Variants in ITGB4 observed in about 807,000 individuals in gnomAD.
ITGB4 encodes integrin beta-4.
In ITGB4, 159 loss-of-function variants were observed where a neutral mutation model predicts 207.6. The observed-to-expected ratio is 0.77, with a 90% CI of 0.67 to 0.87. The LOEUF is 0.87. ITGB4 is among the 40% of genes least tolerant of loss of function. The pLI is 0.00. For missense variants in ITGB4, 2,278 were observed against 2,546.8 expected, an observed-to-expected ratio of 0.89 and a Z score of 2.27; for synonymous variants, 1,020 against 1,062.7, an observed-to-expected ratio of 0.96 and a Z score of 0.78.
At chr17:75,744,735 G>C (rs533071664) in intron 26 of ITGB4, among the ~76,000 whole-genome samples, 2 of 152,304 alleles carry the variant, frequency 1.3e-5, no homozygotes, top group South Asian at 4.1e-4. Flanking sequence ...TGGCACACAG[G>C]CTGGACTGGG....
At chr17:75,724,611 C>A in intron 1 of ITGB4, 83 bp from the exon 2 acceptor site, 1 of 1,068,598 alleles carries the variant, frequency 9.4e-7, no homozygotes, top group Middle Eastern at 2.0e-4. Flanking sequence ...AGCCTCAGTT[C>A]CCACAGCTGT....
Position 75,732,100 on chromosome 17 carries a change from A to G in ITGB4, c.1378-63A>G. On this transcript the variant is annotated intron_variant, in intron 11 of 39. Transcript: ENST00000200181. This position sits in a 1 kb window ranked among gnomAD's most constrained non-coding sequence, Gnocchi z 5.3. Reference sequence around the variant, plus strand: ...TTTCCCGAGGCACACAGGAGAGCGGAAGTGTCCAGTGGCCCCGGTCCTGCT... The same window carrying G: ...TTTCCCGAGGCACACAGGAGAGCGGGAGTGTCCAGTGGCCCCGGTCCTGCT... 1.2e-6 allele frequency: 2 copies of G among 1,606,702 alleles called. No individual in the cohort carries two copies. Among genetic ancestry groups the G allele is most frequent in the Non-Finnish European group, 1.7e-6 (2 of 1,173,666 alleles).
At position 75,739,814 on chromosome 17, in the gene ITGB4, C is replaced by T; in HGVS notation, c.2255-66C>T. On this transcript the variant is annotated intron_variant, in intron 19 of 39. Coordinates refer to ENST00000200181, the MANE Select transcript of ITGB4 (RefSeq NM_000213.5). The surrounding 1 kb of genome is among the most constrained non-coding windows in gnomAD (Gnocchi z 5.4). ...GGCAGAGGCTGGAGGCTCTGGGGTC[C>T]CACCTGAAGAGGTTGGGCTGTGCGG... 1.2e-6 allele frequency: 2 copies of T among 1,609,258 alleles called. No homozygotes were observed. Among genetic ancestry groups the T allele is most frequent in the African/African-American group, 1.3e-5 (1 of 74,906 alleles).
Position 75,750,242 on chromosome 17 carries a change from C to G in ITGB4, c.3448C>G (p.Pro1150Ala), listed in dbSNP as rs778149911. The change falls in exon 28 of 40, where the codon CCT (proline) becomes GCT (alanine). Residue 1150 changes from proline to alanine, a missense_variant. Pro to Ala is a conservative substitution (Grantham distance 27). Coordinates refer to ENST00000200181, the MANE Select transcript of ITGB4 (RefSeq NM_000213.5). This position sits in a 1 kb window ranked among gnomAD's most constrained non-coding sequence, Gnocchi z 5.5. ...GAAGATCCATTTCAACTGGCTGCCC[C>G]CTTCTGGCAAGCCAATGGGGTACAG... ...SRKIHFNWLPPSGKPMGYRVK... is the reference protein window; with the variant it reads ...SRKIHFNWLPASGKPMGYRVK... The G allele has an allele frequency of 3.1e-6, 5 of 1,613,404 alleles. No homozygotes were observed. Among genetic ancestry groups the G allele is most frequent in the Non-Finnish European group, 4.2e-6 (5 of 1,179,856 alleles).
chr17:75,724,318 T>C (rs1261952717), intron 1 of ITGB4, among the ~76,000 whole-genome samples: 2 of 152,120 alleles, frequency 1.3e-5, no homozygotes, highest in Non-Finnish European at 2.9e-5. Flanking sequence ...GGCACCCTCA[T>C]TGGATGACCC....
In ITGB4 at chr17:75,740,174, G is replaced by T; in HGVS notation, c.2446+103G>T. On this transcript the variant is annotated intron_variant, in intron 20 of 39. Transcript: ENST00000200181. The surrounding 1 kb of genome is among the most constrained non-coding windows in gnomAD (Gnocchi z 5.9). ...CCTCTTCTCTGGGTGTGGGGTGCAG[G>T]CACAGGGCTCAGCCACCTTTTGCCC... The T allele has an allele frequency of 7.4e-7, 1 of 1,348,740 alleles. No individual in the cohort carries two copies. Among genetic ancestry groups the T allele is most frequent in the Non-Finnish European group, 1.0e-6 (1 of 982,986 alleles). The allele number at this position is 1,348,740 out of a possible 1,614,324, so 83.5% of individuals were successfully genotyped here.
rs117000226 is a variant in ITGB4 at position 75,746,656 on chromosome 17, G to C, written c.3112-2185G>C. On this transcript the variant is annotated intron_variant, in intron 26 of 39. Coordinates refer to ENST00000200181, the MANE Select transcript of ITGB4 (RefSeq NM_000213.5). The stretch of plus-strand genomic sequence containing the variant: ...TGTTACACTTGTATAAAGATGCTTT[G>C]AGGCTGGGTACAGTGGCTCATGCCT... Among the ~76,000 whole-genome samples, 661 of 149,748 alleles carry C rather than the reference G, an allele frequency of 4.4e-3. 2 individuals are homozygous for C. The highest frequency in any genetic ancestry group is 7.1e-3 in the Non-Finnish European group (479 of 67,370).
At position 75,741,129 on chromosome 17, in the gene ITGB4, G is replaced by A. The variant is rs561007797; in HGVS notation, c.2633+124G>A. The A allele has an allele frequency of 2.8e-4, 309 of 1,089,984 alleles. No homozygotes were observed. In the African/African-American group the frequency reaches 2.9e-3, roughly 10 times the overall value. 67.5% of individuals were successfully genotyped at this position (1,089,984 alleles called of 1,614,324 possible). A position where few individuals can be genotyped will look rare whatever the true frequency, so the allele number is the denominator to read the frequency against. ...TAGGAAGGGAGGGTCAGATGTGTCC[G>A]TCAGGTTCGGACCTTCATTCGTTCC... On this transcript the variant is annotated intron_variant, in intron 23 of 39. Coordinates refer to ENST00000200181, the MANE Select transcript of ITGB4 (RefSeq NM_000213.5).
In ITGB4 at chr17:75,748,916, G is replaced by C; in HGVS notation, c.3187G>C (p.Glu1063Gln). Residue 1063 changes from glutamate (E) to glutamine (Q), a missense_variant, in exon 27 of 40, where the codon GAG becomes CAG. Coordinates refer to ENST00000200181, the MANE Select transcript of ITGB4 (RefSeq NM_000213.5). ...GAAAGAGCTGCAGGTGAAGCTCCTG[G>C]AGCTGCAAGAAGTTGACTCCCTCCT... is the stretch of plus-strand genomic sequence containing the variant. ...AWKELQVKLL[E>Q]LQEVDSLLRG... 2 of 1,613,278 alleles carry C rather than the reference G, an allele frequency of 1.2e-6. No individual in the cohort carries two copies. Among genetic ancestry groups the C allele is most frequent in the Non-Finnish European group, 1.7e-6 (2 of 1,179,904 alleles).
In ITGB4 at chr17:75,736,659, A is replaced by G; in HGVS notation, c.1955A>G (p.Asn652Ser). ...AAGGGGCGCACGTGTGAGGAATGCA[A>G]CTTCAAGGTCAAGATGGTGGACGAG... ...EKKGRTCEEC[N>S]FKVKMVDELK... Residue 652 changes from asparagine to serine, a missense_variant, in exon 16 of 40, where the codon AAC becomes AGC. Physicochemically the swap from Asn to Ser is conservative, Grantham distance 46 (BLOSUM62 1). Transcript: ENST00000200181. The G allele has an allele frequency of 6.3e-7, 1 of 1,598,988 alleles. No homozygotes were observed. Among genetic ancestry groups the G allele is most frequent in the South Asian group, 1.1e-5 (1 of 88,030 alleles).
Position 75,740,623 on chromosome 17 carries a change from A to G in ITGB4, c.2550+162A>G. On this transcript the variant is annotated intron_variant, in intron 21 of 39. Coordinates refer to ENST00000200181, the MANE Select transcript of ITGB4 (RefSeq NM_000213.5). The surrounding 1 kb of genome is among the most constrained non-coding windows in gnomAD (Gnocchi z 5.9). Reference sequence around the variant, plus strand: ...AGGGGGCATCCTGGGATCTGTTTCCAGAGGGCAGAAGGCCAGAGCCTGGGC... The same window carrying G: ...AGGGGGCATCCTGGGATCTGTTTCCGGAGGGCAGAAGGCCAGAGCCTGGGC... 1 of 957,796 alleles carries G rather than the reference A, an allele frequency of 1.0e-6. No individual in the cohort carries two copies. 59.3% of individuals were successfully genotyped at this position (957,796 alleles called of 1,614,324 possible).
chr17:75,727,398 G>C lies in ITGB4; in HGVS notation c.163-6G>C, dbSNP rs1292796296. ...GCCCCCAGTGACCCCCTGTCCTTCT[G>C]GCCAGATGTTCAGGGACCGGCGCTG... On this transcript the variant is annotated splice_polypyrimidine_tract_variant and splice_region_variant and intron_variant, in intron 3 of 39. Coordinates refer to ENST00000200181, the MANE Select transcript of ITGB4 (RefSeq NM_000213.5). This position sits in a 1 kb window ranked among gnomAD's most constrained non-coding sequence, Gnocchi z 6.0. 1.9e-6 allele frequency: 3 copies of C among 1,614,048 alleles called. No homozygotes were observed. Among genetic ancestry groups the C allele is most frequent in the Admixed American group, 1.7e-5 (1 of 60,022 alleles).
At position 75,756,979 on chromosome 17, in the gene ITGB4, C is replaced by T. The variant is rs747394709; in HGVS notation, c.5090C>T (p.Pro1697Leu). The change falls in exon 38 of 40, where the codon CCC (proline) becomes CTC (leucine). Residue 1697 changes from proline (P) to leucine (L), a missense_variant. Physicochemically the swap from Pro to Leu is moderately conservative, Grantham distance 98 (BLOSUM62 -3). Coordinates refer to ENST00000200181, the MANE Select transcript of ITGB4 (RefSeq NM_000213.5). Reference protein sequence around the residue: ...ATAFRVDGDSPESRLTVPGLS... With the variant: ...ATAFRVDGDSLESRLTVPGLS... ...GCATTCCGGGTGGATGGAGACAGCCCCGAGAGCCGGCTGACCGTGCCGGGC... is the reference window on the plus strand; with the variant it reads ...GCATTCCGGGTGGATGGAGACAGCCTCGAGAGCCGGCTGACCGTGCCGGGC... The T allele has an allele frequency of 1.9e-5, 30 of 1,612,682 alleles. No individual in the cohort carries two copies. Among genetic ancestry groups the T allele is most frequent in the South Asian group, 5.5e-5 (5 of 91,080 alleles).
intron 1 of ITGB4, among the ~76,000 whole-genome samples, chr17:75,723,229 G>A (rs1385112981): frequency 6.6e-6 from 1 of 152,142 alleles, no homozygotes; most frequent in Non-Finnish European, 1.5e-5. Flanking sequence ...TCTGGGAAAC[G>A]GGCAGAATGA....
intron 2 of ITGB4, among the ~76,000 whole-genome samples, chr17:75,726,349 C>A (rs1454875669): frequency 6.6e-6 from 1 of 152,040 alleles, no homozygotes; most frequent in Non-Finnish European, 1.5e-5. Flanking sequence ...TTGCCTGAGC[C>A]CAGGATGTCG....
intron 30 of ITGB4, 45 bp downstream of exon 30, chr17:75,751,156 T>C: frequency 6.2e-7 from 1 of 1,607,894 alleles, no homozygotes. Flanking sequence ...AGAACAGCCA[T>C]GGAAGGGGAG....
At chr17:75,748,647 G>A (rs1357829471) in intron 26 of ITGB4, among the ~76,000 whole-genome samples, 194 bp from the exon 27 acceptor site, 1 of 151,742 alleles carries the variant, frequency 6.6e-6, no homozygotes, top group Non-Finnish European at 1.5e-5. Context: ...TCCAGCCTAG[G>A]TGACAGAGTG....
chr17:75,755,142 TC>T (rs755667096), intron 34 of ITGB4: 10 of 1,610,696 alleles, frequency 6.2e-6, no homozygotes, highest in Non-Finnish European at 7.6e-6. Flanking sequence ...ATGAAAGGGT[TC>T]CCCCCTTCCA....
At chr17:75,747,958 C>T (rs1568373162) in intron 26 of ITGB4, among the ~76,000 whole-genome samples, 1 of 152,226 alleles carries the variant, frequency 6.6e-6, no homozygotes, top group African/African-American at 2.4e-5. Flanking sequence ...ATCGCCCTGG[C>T]TGCTGCGCCT....
Sources: gnomAD v4.1 joint callset for allele counts (sites outside exome capture counted in the v4.1 genomes callset) on GRCh38, gnomAD v4.1.1 for gene constraint, Gnocchi (gnomAD v3.1) non-coding constraint, MANE v1.5 for transcripts, NCBI Gene and HGNC (gene_info 2026-07-23, HGNC 2026-07-21) for gene names.